ZPBP: variants seen among roughly 807,000 people sequenced by gnomAD.
The protein encoded by ZPBP is zona pellucida binding protein.
Under a neutral mutation model 44.8 loss-of-function variants are expected in ZPBP, and 26 were observed. The observed-to-expected ratio is 0.58, with a 90% CI of 0.43 to 0.81. The LOEUF is 0.81. Ranked by LOEUF, ZPBP falls within the 30% of genes least tolerant of loss-of-function variation. The probability of loss-of-function intolerance (pLI) is 0.00; values close to 1 mark genes in which losing one functional copy is unlikely to be tolerated. For missense variants in ZPBP, 409 were observed against 434.0 expected, an observed-to-expected ratio of 0.94 and a Z score of 0.51; for synonymous variants, 174 against 153.2, an observed-to-expected ratio of 1.14 and a Z score of -1.00.
At chr7:49,895,165 A>G (rs1180384064) in intron 2 of ZPBP, among the ~76,000 whole-genome samples, 1 of 152,192 alleles carries the variant, frequency 6.6e-6, no homozygotes, top group Non-Finnish European at 1.5e-5. Context: ...GGCCTGTTCA[A>G]TTGATGGTGT....
chr7:49,988,043 C>T (rs573470187), intron 6 of ZPBP, among the ~76,000 whole-genome samples: 11 of 152,016 alleles, frequency 7.2e-5, no homozygotes, highest in Admixed American at 2.0e-4. Context: ...ATTAATCTTG[C>T]GAAAGAAATT....
chr7:49,934,806 T>C (rs962190448), downstream of ZPBP, among the ~76,000 whole-genome samples: 4 of 152,130 alleles, frequency 2.6e-5, no homozygotes, highest in African/African-American at 4.8e-5. Context: ...TTTACCATAT[T>C]GCCAAATAAA....
intron 4 of ZPBP, among the ~76,000 whole-genome samples, chr7:50,050,804 A>C (rs1392641347): frequency 6.0e-5 from 9 of 150,098 alleles, no homozygotes; most frequent in African/African-American, 2.2e-4. Context: ...AAAAAAAAAA[A>C]AAAAAAAAAA....
At chr7:49,938,604 C>T (rs1467693292) in intron 7 of ZPBP, among the ~76,000 whole-genome samples, 4 of 152,298 alleles carry the variant, frequency 2.6e-5, no homozygotes, top group Admixed American at 2.0e-4. Context: ...ACTTTATGCA[C>T]TCAGGAACAC....
intron 2 of ZPBP, among the ~76,000 whole-genome samples, chr7:49,897,292 A>C (rs1237729011): frequency 1.3e-5 from 2 of 152,122 alleles, no homozygotes; most frequent in African/African-American, 4.8e-5. Context: ...TAATTTCCCA[A>C]CTCATTCCAT....
intron 7 of ZPBP, among the ~76,000 whole-genome samples, chr7:49,969,583 G>A (rs942581780): frequency 2.7e-5 from 4 of 149,980 alleles, no homozygotes; most frequent in East Asian, 1.9e-4. Context: ...TAAACCACAC[G>A]TCAATTTAAG....
chr7:50,016,163 A>C (rs1246520194), intron 6 of ZPBP, among the ~76,000 whole-genome samples: 1 of 152,176 alleles, frequency 6.6e-6, no homozygotes, highest in Non-Finnish European at 1.5e-5. Context: ...ATCAACCTAG[A>C]TGCCCACCAA....
chr7:49,867,947 T>C (rs922967431), intron 2 of ZPBP, among the ~76,000 whole-genome samples: 20 of 152,168 alleles, frequency 1.3e-4, no homozygotes, highest in African/African-American at 4.3e-4. Context: ...AATTCTCCTG[T>C]CTCAGCCTAC....
chr7:50,044,389 GA>G (rs1167008744), intron 4 of ZPBP, among the ~76,000 whole-genome samples: 3 of 151,962 alleles, frequency 2.0e-5, no homozygotes, highest in Non-Finnish European at 4.4e-5. Context: ...CTGGTTTTTT[GA>G]AAAGATTAAC....
At chr7:50,065,574 G>T (rs1801464473) in intron 3 of ZPBP, among the ~76,000 whole-genome samples, 1 of 150,892 alleles carries the variant, frequency 6.6e-6, no homozygotes, top group Non-Finnish European at 1.5e-5. Flanking sequence ...GAGGCTGTTG[G>T]TTCACTGACT....
downstream of ZPBP, chr7:49,850,409 G>C (rs1173703883): frequency 1.3e-5 from 2 of 152,230 alleles, no homozygotes; most frequent in African/African-American, 4.8e-5. Context: ...CAGTGTAAGA[G>C]GCCTCCTGTC....
At chr7:49,892,483 G>A (rs1352389053) in intron 2 of ZPBP, among the ~76,000 whole-genome samples, 2 of 152,194 alleles carry the variant, frequency 1.3e-5, no homozygotes, top group African/African-American at 4.8e-5. Flanking sequence ...TATACATTAT[G>A]ATTATCTAAG....
chr7:49,872,093 T>G (rs771141773), intron 2 of ZPBP, among the ~76,000 whole-genome samples: 1 of 152,002 alleles, frequency 6.6e-6, no homozygotes, highest in Non-Finnish European at 1.5e-5. Flanking sequence ...AAGAACAGTA[T>G]ACTATGAAAC....
chr7:49,959,901 G>A (rs900924177), intron 7 of ZPBP, among the ~76,000 whole-genome samples: 3 of 152,168 alleles, frequency 2.0e-5, no homozygotes, highest in Non-Finnish European at 4.4e-5. Context: ...AGACATAGAT[G>A]AATGGAGCAT....
At position 50,006,493 on chromosome 7, in the gene ZPBP, C is replaced by T. The variant is rs528167139; in HGVS notation, c.783+11747G>A. ...GGAAAATCCACATCTATTGATTAAA[C>T]AAGATATCCCTAAACACAAAAGGGT... On this transcript the variant is annotated intron_variant, in intron 6 of 7. Transcript: ENST00000046087. 1.2e-4 allele frequency among the ~76,000 whole-genome samples: 18 copies of T among 152,044 alleles called. 1 individual carries two copies. In the South Asian group the frequency reaches 3.7e-3, roughly 32 times the overall value.
chr7:49,993,079 C>A (rs1310431684), intron 6 of ZPBP, among the ~76,000 whole-genome samples: 1 of 151,998 alleles, frequency 6.6e-6, no homozygotes, highest in Non-Finnish European at 1.5e-5. Context: ...CTGCCTGGTA[C>A]ATATGTTAAA....
intron 5 of ZPBP, among the ~76,000 whole-genome samples, chr7:50,028,692 T>C (rs1799450354): frequency 6.6e-6 from 1 of 150,688 alleles, no homozygotes; most frequent in South Asian, 2.1e-4. Context: ...TTCTATACAC[T>C]AGCAATGACC....
chr7:49,875,397 A>AAAAAAAAAAAAAC (rs1791371337), intron 2 of ZPBP, among the ~76,000 whole-genome samples: 1 of 140,714 alleles, frequency 7.1e-6, no homozygotes, highest in Non-Finnish European at 1.6e-5. Context: ...AAAAAAAAAA[A>AAAAAAAAAAAAAC]CAGGAATAAA....
intron 2 of ZPBP, among the ~76,000 whole-genome samples, chr7:49,851,042 C>A (rs1023170168): frequency 3.3e-5 from 5 of 152,180 alleles, no homozygotes; most frequent in African/African-American, 1.2e-4. Context: ...TAAAGTAGAT[C>A]AAGGTCCCAC....
Sources: allele counts gnomAD v4.1 joint callset (sites outside exome capture counted in the v4.1 genomes callset), GRCh38; gene constraint gnomAD v4.1.1; transcripts MANE v1.5; gene names NCBI Gene and HGNC (gene_info 2026-07-23, HGNC 2026-07-21).